CBLB: variants seen among roughly 807,000 people sequenced by gnomAD.
CBLB encodes E3 ubiquitin-protein ligase CBL-B.
In CBLB, 31 loss-of-function variants were observed where a neutral mutation model predicts 104.9. That is an observed-to-expected ratio of 0.30 (90% CI 0.22 to 0.40). The LOEUF (loss-of-function observed/expected upper bound fraction) is 0.40, where lower values mean the gene tolerates loss of function less well. CBLB is among the 10% of genes least tolerant of loss of function. The pLI is 1.00. For synonymous variants in CBLB, 440 were observed against 422.6 expected (o/e 1.04, Z -0.51); for missense variants, 1,062 against 1,214.6 (o/e 0.87, Z 1.87).
intron 14 of CBLB, among the ~76,000 whole-genome samples, chr3:105,684,615 C>T (rs536541938): frequency 6.6e-6 from 1 of 151,530 alleles, no homozygotes; most frequent in African/African-American, 2.4e-5. Flanking sequence ...TGCAGTGGCA[C>T]AATCTCGGCT....
intron 18 of CBLB, 137 bp downstream of exon 18, chr3:105,670,096 A>G: frequency 1.3e-6 from 1 of 761,270 alleles, no homozygotes; most frequent in South Asian, 1.8e-5. Flanking sequence ...TTTATAAGCA[A>G]AATGCAATGA....
chr3:105,667,630 GA>G (rs1256779497), intron 18 of CBLB, among the ~76,000 whole-genome samples: 1 of 152,122 alleles, frequency 6.6e-6, no homozygotes, highest in East Asian at 1.9e-4. Flanking sequence ...TAAACATTTA[GA>G]AGGCTCTTTA....
chr3:105,750,686 C>T (rs751724552), intron 5 of CBLB, among the ~76,000 whole-genome samples: 5 of 151,962 alleles, frequency 3.3e-5, no homozygotes, highest in African/African-American at 7.3e-5. Flanking sequence ...CATTAAGGCA[C>T]GCAAAAGAAG....
chr3:105,851,359 C>T (rs1416936680), intron 3 of CBLB, among the ~76,000 whole-genome samples: 5 of 150,876 alleles, frequency 3.3e-5, no homozygotes, highest in Non-Finnish European at 5.9e-5. Context: ...AAAAGATCAG[C>T]GGTTGCCATG....
intron 4 of CBLB, among the ~76,000 whole-genome samples, chr3:105,760,621 A>C (rs1261018352): frequency 1.2e-5 from 1 of 84,508 alleles, no homozygotes; most frequent in Non-Finnish European, 2.9e-5. Flanking sequence ...AATTACAAAC[A>C]AAAAAAAAAG....
At chr3:105,858,162 A>G (rs1159197455) in intron 2 of CBLB, among the ~76,000 whole-genome samples, 1 of 152,168 alleles carries the variant, frequency 6.6e-6, no homozygotes, top group Non-Finnish European at 1.5e-5. Flanking sequence ...CTAAATTTGC[A>G]CTTGGGAAAG....
intron 16 of CBLB, chr3:105,681,003 G>A (rs1220054265): frequency 6.1e-6 from 1 of 162,698 alleles, no homozygotes; most frequent in African/African-American, 2.4e-5. Flanking sequence ...TTTTTTGAAT[G>A]TGTTACAGTT....
intron 6 of CBLB, 79 bp downstream of exon 6, chr3:105,745,838 C>A: frequency 1.5e-6 from 2 of 1,360,288 alleles, no homozygotes; most frequent in Non-Finnish European, 2.1e-6. Flanking sequence ...GCGGGTATTG[C>A]TGACTTACTT....
intron 4 of CBLB, among the ~76,000 whole-genome samples, chr3:105,754,535 G>GAGAGAC (rs2040175105): frequency 2.6e-4 from 30 of 115,072 alleles, no homozygotes; most frequent in African/African-American, 8.8e-4. Flanking sequence ...GAGAGAGAGA[G>GAGAGAC]AGAGAGAGAG....
chr3:105,672,101 T>A, intron 17 of CBLB: 1 of 193,880 alleles, frequency 5.2e-6, no homozygotes, highest in Non-Finnish European at 1.1e-5. Flanking sequence ...GGAAAGACTG[T>A]CTTTTACAAT....
At chr3:105,787,641 T>C (rs1266582608) in intron 3 of CBLB, among the ~76,000 whole-genome samples, 2 of 152,338 alleles carry the variant, frequency 1.3e-5, no homozygotes, top group African/African-American at 4.8e-5. Context: ...TATTTTCAAC[T>C]TACAGACTTT....
chr3:105,718,503 C>T (rs74897798), intron 10 of CBLB, among the ~76,000 whole-genome samples: 3,408 of 152,214 alleles, frequency 0.022, 90 homozygotes, highest in East Asian at 0.12. Context: ...AATGAAGTAA[C>T]CCAAAGAAAT....
At chr3:105,837,493 A>G (rs2088724738) in intron 3 of CBLB, among the ~76,000 whole-genome samples, 1 of 152,242 alleles carries the variant, frequency 6.6e-6, no homozygotes, top group Non-Finnish European at 1.5e-5. Context: ...TAATAAGTCA[A>G]TAAGAAAGCT....
At chr3:105,744,047 T>C (rs1235845858) in intron 6 of CBLB, among the ~76,000 whole-genome samples, 1 of 152,190 alleles carries the variant, frequency 6.6e-6, no homozygotes, top group Non-Finnish European at 1.5e-5. Context: ...AAGATAAGTT[T>C]ACTGGTGGGT....
rs768189694 is a variant in CBLB, at chr3:105,659,250, A to C, written c.2690-21T>G. 1.1e-5 allele frequency: 18 copies of C among 1,609,118 alleles called. No homozygotes were observed. In the South Asian group the frequency reaches 1.9e-4, roughly 17 times the overall value. On this transcript the variant is annotated intron_variant, in intron 18 of 18. Coordinates refer to ENST00000394030, the MANE Select transcript of CBLB (RefSeq NM_170662.5). ...ACCATCTGTGTAGATTTTTAAAGAG[A>C]GATACTATTTAAACAGTGAAATAAA...
At chr3:105,841,021 C>T (rs1214663365) in intron 3 of CBLB, among the ~76,000 whole-genome samples, 2 of 152,082 alleles carry the variant, frequency 1.3e-5, no homozygotes, top group Non-Finnish European at 2.9e-5. Context: ...AGGCCAAGCA[C>T]AGTGGCTCAT....
intron 2 of CBLB, among the ~76,000 whole-genome samples, chr3:105,859,902 T>G (rs1296370785): frequency 6.6e-6 from 1 of 152,190 alleles, no homozygotes; most frequent in Non-Finnish European, 1.5e-5. Flanking sequence ...ATACACTTTT[T>G]TAATAGATTA....
chr3:105,673,816 T>TG (rs1468918338), intron 17 of CBLB: 1 of 152,220 alleles, frequency 6.6e-6, no homozygotes, highest in African/African-American at 2.4e-5. Context: ...TGAAGTGACA[T>TG]GGAAAAAATA....
At chr3:105,778,124 T>G (rs943098843) in intron 3 of CBLB, among the ~76,000 whole-genome samples, 12 of 152,068 alleles carry the variant, frequency 7.9e-5, no homozygotes, top group Admixed American at 2.6e-4. Flanking sequence ...AGTGTGTGTG[T>G]GTGCATGTGT....
Sources: allele counts gnomAD v4.1 joint callset (sites outside exome capture counted in the v4.1 genomes callset), GRCh38; gene constraint gnomAD v4.1.1; transcripts MANE v1.5; gene names NCBI Gene and HGNC (gene_info 2026-07-23, HGNC 2026-07-21).